GPC5: variants seen among roughly 807,000 people sequenced by gnomAD.
The protein encoded by GPC5 is glypican-5.
In GPC5, 47 loss-of-function variants were observed where a neutral mutation model predicts 53.9. The ratio of observed to expected loss-of-function variants is 0.87; its 90% CI spans 0.69 to 1.11. The LOEUF is 1.11. GPC5 is among the 50% of genes most tolerant of loss of function. GPC5 has a pLI of 0.00. For missense variants in GPC5, 748 were observed against 713.1 expected (o/e 1.05, Z -0.56); for synonymous variants, 286 against 263.3 (o/e 1.09, Z -0.84).
intron 5 of GPC5, among the ~76,000 whole-genome samples, chr13:91,874,083 A>G (rs1017896059): frequency 2.6e-5 from 4 of 152,214 alleles, no homozygotes; most frequent in South Asian, 2.1e-4. Flanking sequence ...CCAAAAATAC[A>G]TAGTATTTAA....
At chr13:92,535,832 T>G (rs1232332344) in intron 7 of GPC5, among the ~76,000 whole-genome samples, 2 of 152,078 alleles carry the variant, frequency 1.3e-5, no homozygotes, top group Admixed American at 6.6e-5. Flanking sequence ...CAACAAGGCA[T>G]GGATGTTGGA....
At chr13:91,486,982 G>T (rs1165244868) in intron 2 of GPC5, 1 of 152,134 alleles carries the variant, frequency 6.6e-6, no homozygotes, top group Non-Finnish European at 1.5e-5. Context: ...CTGATGTGGG[G>T]GCTAGGGAAT....
At chr13:92,485,432 CT>C (rs1485932162) in intron 7 of GPC5, among the ~76,000 whole-genome samples, 7 of 151,986 alleles carry the variant, frequency 4.6e-5, no homozygotes, top group African/African-American at 1.5e-4. Flanking sequence ...ATAGAAAAGT[CT>C]TTTTCTCTAA....
At chr13:91,443,018 A>G (rs1880545627) in intron 1 of GPC5, among the ~76,000 whole-genome samples, 1 of 152,184 alleles carries the variant, frequency 6.6e-6, no homozygotes, top group Non-Finnish European at 1.5e-5. Context: ...CATCCTGTAA[A>G]GCTGACAAAC....
At chr13:92,402,070 C>T (rs889207887) in intron 7 of GPC5, among the ~76,000 whole-genome samples, 6 of 151,790 alleles carry the variant, frequency 4.0e-5, no homozygotes, top group South Asian at 2.1e-4. Context: ...TCCTTTTTCC[C>T]GGAAAAAGGA....
chr13:91,436,219 C>T (rs1374766394), intron 1 of GPC5, among the ~76,000 whole-genome samples: 2 of 151,970 alleles, frequency 1.3e-5, no homozygotes, highest in Non-Finnish European at 2.9e-5. Flanking sequence ...TATTTCTTGC[C>T]TTGTGCTAGC....
At chr13:91,570,529 G>A (rs2031734619) in intron 2 of GPC5, among the ~76,000 whole-genome samples, 1 of 152,004 alleles carries the variant, frequency 6.6e-6, no homozygotes, top group African/African-American at 2.4e-5. Context: ...CTTTTTAATG[G>A]GTGCCTATGA....
At chr13:91,866,019 C>T (rs1315329349) in intron 5 of GPC5, among the ~76,000 whole-genome samples, 2 of 152,106 alleles carry the variant, frequency 1.3e-5, no homozygotes, top group Non-Finnish European at 1.5e-5. Context: ...AGGCATGTGC[C>T]ACCATGTCCA....
chr13:91,502,602 A>T (rs1283576290), intron 2 of GPC5, among the ~76,000 whole-genome samples: 1 of 152,174 alleles, frequency 6.6e-6, no homozygotes, highest in Non-Finnish European at 1.5e-5. Context: ...CAGTTTCAAG[A>T]TATTTAGGAA....
chr13:91,538,103 C>G (rs903340706), intron 2 of GPC5, among the ~76,000 whole-genome samples: 1 of 152,196 alleles, frequency 6.6e-6, no homozygotes, highest in Non-Finnish European at 1.5e-5. Flanking sequence ...ATAAATTCTT[C>G]ATTAAAGTAT....
At chr13:91,884,174 T>C (rs2039298259) in intron 5 of GPC5, among the ~76,000 whole-genome samples, 1 of 152,146 alleles carries the variant, frequency 6.6e-6, no homozygotes, top group African/African-American at 2.4e-5. Context: ...TCGACCACTG[T>C]GGAAGACAGT....
At chr13:92,692,355 T>G (rs745594047) in intron 7 of GPC5, among the ~76,000 whole-genome samples, 30 of 152,052 alleles carry the variant, frequency 2.0e-4, no homozygotes, top group Non-Finnish European at 3.4e-4. Flanking sequence ...AAATGTCTTT[T>G]GGTAAAATGA....
chr13:91,571,918 A>ACG (rs2031863759), intron 2 of GPC5, among the ~76,000 whole-genome samples: 1 of 108,696 alleles, frequency 9.2e-6, no homozygotes, highest in East Asian at 2.5e-4. Flanking sequence ...ATATATACAC[A>ACG]TATTGTATAT....
chr13:91,926,689 G>A (rs1259535003), intron 6 of GPC5, among the ~76,000 whole-genome samples: 4 of 152,200 alleles, frequency 2.6e-5, no homozygotes, highest in Non-Finnish European at 5.9e-5. Context: ...TCGAAGTCAA[G>A]GAGTGGGGAA....
chr13:92,783,798 A>G (rs1049873453), intron 7 of GPC5, among the ~76,000 whole-genome samples: 1 of 152,216 alleles, frequency 6.6e-6, no homozygotes, highest in African/African-American at 2.4e-5. Context: ...AAAGAATGTC[A>G]GGCTACAACC....
intron 7 of GPC5, among the ~76,000 whole-genome samples, chr13:92,422,002 G>A (rs1328935586): frequency 1.3e-5 from 2 of 151,242 alleles, no homozygotes; most frequent in African/African-American, 4.8e-5. Flanking sequence ...CTACTAACCC[G>A]GAACTCCTGG....
intron 7 of GPC5, among the ~76,000 whole-genome samples, chr13:92,841,467 T>C (rs1265814626): frequency 6.6e-6 from 1 of 152,150 alleles, no homozygotes; most frequent in African/African-American, 2.4e-5. Context: ...GCAACAATGA[T>C]CAAGTTCTGG....
At chr13:92,046,086 C>CCAGA (rs1408346750) in intron 6 of GPC5, among the ~76,000 whole-genome samples, 2 of 151,380 alleles carry the variant, frequency 1.3e-5, no homozygotes, top group African/African-American at 2.4e-5. Context: ...ACTCCACACT[C>CCAGA]CAGACTGGGC....
chr13:92,802,460 G>A (rs1334155904), intron 7 of GPC5, among the ~76,000 whole-genome samples: 1 of 151,644 alleles, frequency 6.6e-6, no homozygotes, highest in Non-Finnish European at 1.5e-5. Context: ...GGGTACATGT[G>A]CACAACGTGA....
Sources: allele counts gnomAD v4.1 joint callset (sites outside exome capture counted in the v4.1 genomes callset), GRCh38; gene constraint gnomAD v4.1.1; transcripts MANE v1.5; gene names NCBI Gene and HGNC (gene_info 2026-07-23, HGNC 2026-07-21).